SERBP1: variants seen among roughly 807,000 people sequenced by gnomAD.
The protein encoded by SERBP1 is SERPINE1 mRNA-binding protein 1.
A neutral mutation model predicts 50.2 loss-of-function variants in SERBP1; 6 were observed. The observed-to-expected ratio is 0.12, with a 90% CI of 0.07 to 0.24. The LOEUF is 0.24. Among genes scored for constraint, SERBP1 ranks in the 10% least tolerant of loss-of-function variants. The pLI, the probability that SERBP1 is intolerant of heterozygous loss-of-function variation, is 1.00. For missense variants in SERBP1, 346 were observed against 524.9 expected (o/e 0.66, Z 3.33); for synonymous variants, 168 against 182.8 (o/e 0.92, Z 0.65).
chr1:67,430,233 T>C lies in SERBP1; in HGVS notation c.68A>G (p.Asp23Gly). The change falls in exon 1 of 8, where the codon GAC becomes GGC. Residue 23 changes from aspartate to glycine, a missense_variant. This residue lies in a region of SERBP1 where 13 missense variants were observed against 40.8 expected (regional missense o/e 0.32). Coordinates refer to ENST00000361219, the MANE Select transcript of SERBP1 (RefSeq NM_001018069.2). Reference protein sequence around the residue: ...VTNRFDQLFDDESDPFEVLKA... With the variant: ...VTNRFDQLFDGESDPFEVLKA... The stretch of plus-strand genomic sequence containing the variant: ...CAGCACCTCGAAGGGGTCCGATTCG[T>C]CGTCAAATAACTGGTCGAATCGGTT... The C allele has an allele frequency of 6.3e-7, 1 of 1,594,490 alleles. No homozygotes were observed.
Position 67,430,053 on chromosome 1 carries a change from G to C in SERBP1, c.248C>G (p.Pro83Arg). The part of the protein sequence containing the change: ...ESQKDRKNPL[P>R]PSVGVVDKKE... ...CTTGTCAACCACGCCAACGCTGGGG[G>C]GCAGCGGGTTCTTGCGGTCTTTCTG... Residue 83 changes from proline (P) to arginine (R), a missense_variant, in exon 1 of 8, where the codon CCC becomes CGC. Around this residue, in one of 5 missense-constraint regions of SERBP1, gnomAD observed 257 missense variants for 331.2 expected, o/e 0.78. Transcript: ENST00000361219. The C allele has an allele frequency of 1.2e-6, 2 of 1,613,708 alleles. No homozygotes were observed. The highest frequency in any genetic ancestry group is 8.5e-7 in the Non-Finnish European group (1 of 1,179,816).
rs1557507840 is a variant in SERBP1, at chr1:67,426,302, A to G, written c.314-17T>C. The stretch of plus-strand genomic sequence containing the variant: ...GTCTTATTCCTAAAACGATAAGATA[A>G]CCTGCATAAGCAAATTATTTTTGCA... On this transcript the variant is annotated splice_polypyrimidine_tract_variant and intron_variant, in intron 1 of 7. Coordinates refer to ENST00000361219, the MANE Select transcript of SERBP1 (RefSeq NM_001018069.2). 6.4e-7 allele frequency: 1 copy of G among 1,568,020 alleles called. No homozygotes were observed. The highest frequency in any genetic ancestry group is 8.6e-7 in the Non-Finnish European group (1 of 1,159,724).
At position 67,430,336 on chromosome 1, in the gene SERBP1, C is replaced by G. The variant is rs751131058; in HGVS notation, c.-36G>C. The G allele has an allele frequency of 2.7e-6, 4 of 1,494,636 alleles. No homozygotes were observed. The Admixed American group carries it at 9.6e-5, about 36-fold the overall frequency. 92.6% of individuals were successfully genotyped at this position (1,494,636 alleles called of 1,614,324 possible). ...CGGCGGCGCGTTCCTCCACGGATTG[C>G]AGCGGGCCGCGCCGAGCCAAGAGCG... On this transcript the variant is annotated 5_prime_UTR_variant, in exon 1 of 8. Transcript: ENST00000361219.
At position 67,430,028 on chromosome 1, in the gene SERBP1, C is replaced by T. The variant is rs1313812057; in HGVS notation, c.273G>A (p.Lys91=). The T allele has an allele frequency of 5.0e-6, 8 of 1,612,858 alleles. No individual in the cohort carries two copies. The African/African-American group carries it at 1.1e-4, about 22-fold the overall frequency. ...PLPPSVGVVD[K]KEETQPPVAL... is the part of the protein sequence containing the mutation. ...CCACGGGCGGCTGCGTCTCCTCTTT[C>T]TTGTCAACCACGCCAACGCTGGGGG... Residue 91 remains lysine, a synonymous_variant, in exon 1 of 8, where the codon AAG becomes AAA. Transcript: ENST00000361219.
At chr1:67,426,424 G>A in intron 1 of SERBP1, 139 bp from the exon 2 acceptor site, 1 of 675,180 alleles carries the variant, frequency 1.5e-6, no homozygotes, top group East Asian at 3.2e-5. Flanking sequence ...CAACTCTAAT[G>A]TGTAACAAAG....
intron 6 of SERBP1, among the ~76,000 whole-genome samples, chr1:67,415,747 T>C (rs1456289707): frequency 6.6e-6 from 1 of 152,122 alleles, no homozygotes; most frequent in Non-Finnish European, 1.5e-5. Context: ...ACATATAAGG[T>C]TACTACTAGC....
Position 67,429,999 on chromosome 1 carries a change from A to T in SERBP1, c.302T>A (p.Leu101His), listed in dbSNP as rs768752594. The T allele has an allele frequency of 1.6e-5, 25 of 1,608,500 alleles. No homozygotes were observed. The highest frequency in any genetic ancestry group is 2.1e-5 in the Non-Finnish European group (25 of 1,177,496). The change falls in exon 1 of 8, where the codon CTT becomes CAT. Residue 101 changes from leucine (L) to histidine (H), a missense_variant. Leu to His is a moderately conservative substitution (Grantham distance 99). Around this residue, in one of 5 missense-constraint regions of SERBP1, gnomAD observed 257 missense variants for 331.2 expected, o/e 0.78. Coordinates refer to ENST00000361219, the MANE Select transcript of SERBP1 (RefSeq NM_001018069.2). ...TGCCCCTGCTTTACCTTCTTTCTTA[A>T]GCGCCACGGGCGGCTGCGTCTCCTC... Reference protein sequence around the residue: ...KKEETQPPVALKKEGIRRVGR... With the variant: ...KKEETQPPVAHKKEGIRRVGR...
At chr1:67,427,221 T>C (rs906310305) in intron 1 of SERBP1, among the ~76,000 whole-genome samples, 2 of 152,214 alleles carry the variant, frequency 1.3e-5, no homozygotes, top group African/African-American at 4.8e-5. Context: ...TGACACTAAG[T>C]GATAGCTGAA....
intron 2 of SERBP1, among the ~76,000 whole-genome samples, chr1:67,425,543 G>A (rs2100440139): frequency 1.3e-5 from 2 of 152,224 alleles, no homozygotes; most frequent in South Asian, 4.1e-4. Context: ...CATCTAACTT[G>A]CATAAGTAAT....
intron 6 of SERBP1, among the ~76,000 whole-genome samples, chr1:67,416,825 C>T (rs1667026438): frequency 6.6e-6 from 1 of 152,182 alleles, no homozygotes; most frequent in Non-Finnish European, 1.5e-5. Context: ...AACAAATTCA[C>T]AAAACACCAG....
chr1:67,421,302 C>G (rs1459437126), intron 5 of SERBP1, among the ~76,000 whole-genome samples: 1 of 152,138 alleles, frequency 6.6e-6, no homozygotes, highest in Non-Finnish European at 1.5e-5. Flanking sequence ...ACTTAGCATA[C>G]CTTTTATCAT....
chr1:67,429,305 G>C (rs1230746322), intron 1 of SERBP1: 1 of 152,190 alleles, frequency 6.6e-6, no homozygotes, highest in Admixed American at 6.5e-5. Context: ...CATAATTCCC[G>C]CTCCTGGTTA....
At chr1:67,424,380 T>C (rs973814484) in intron 4 of SERBP1, 103 bp from the exon 5 acceptor site, 22 of 1,465,200 alleles carry the variant, frequency 1.5e-5, no homozygotes, top group Non-Finnish European at 2.0e-5. Context: ...GCTGAAAAGT[T>C]CTTCATACAA....
intron 1 of SERBP1, among the ~76,000 whole-genome samples, chr1:67,428,941 T>A (rs190724798): frequency 1.3e-5 from 2 of 152,320 alleles, no homozygotes; most frequent in Non-Finnish European, 2.9e-5. Context: ...CAACACCTGC[T>A]TGCTATTGAT....
chr1:67,423,139 A>T (rs1480072770), intron 5 of SERBP1, among the ~76,000 whole-genome samples: 8 of 147,338 alleles, frequency 5.4e-5, no homozygotes, highest in Admixed American at 3.4e-4. Flanking sequence ...TGGTCTAAAA[A>T]ATATAAAAAA....
intron 1 of SERBP1, among the ~76,000 whole-genome samples, chr1:67,427,100 C>T (rs1239615860): frequency 6.6e-6 from 1 of 151,884 alleles, no homozygotes. Context: ...GGAGAGAGTC[C>T]TCTAAAAAAT....
chr1:67,414,081 C>CGCCCA (rs145655215), intron 7 of SERBP1, among the ~76,000 whole-genome samples: 1,781 of 152,292 alleles, frequency 0.012, 45 homozygotes, highest in African/African-American at 0.041. Context: ...TGAGGCAGTG[C>CGCCCA]GCCCAGCCCA....
Position 67,415,300 on chromosome 1 carries a change from T to G in SERBP1, c.991A>C (p.Lys331Gln). Reference protein sequence around the residue: ...EDSVMDHHFRKPANDITSQLE... With the variant: ...EDSVMDHHFRQPANDITSQLE... ...TGAGACGTTATATCATTTGCTGGCTTCCGGAAATGATGGTCCATAACCGAA... is the reference window on the plus strand; with the variant it reads ...TGAGACGTTATATCATTTGCTGGCTGCCGGAAATGATGGTCCATAACCGAA... Residue 331 changes from lysine to glutamine, a missense_variant, in exon 7 of 8, where the codon AAG (lysine) becomes CAG (glutamine). By Grantham distance (53) the Lys-to-Gln change is moderately conservative. Around this residue, in one of 5 missense-constraint regions of SERBP1, gnomAD observed 68 missense variants for 97.3 expected, o/e 0.70. Coordinates refer to ENST00000361219, the MANE Select transcript of SERBP1 (RefSeq NM_001018069.2). 6.2e-7 allele frequency: 1 copy of G among 1,609,744 alleles called. No individual in the cohort carries two copies. Among genetic ancestry groups the G allele is most frequent in the East Asian group, 2.2e-5 (1 of 44,640 alleles).
chr1:67,430,000 G>A lies in SERBP1; in HGVS notation c.301C>T (p.Leu101Phe). The change falls in exon 1 of 8, where the codon CTT becomes TTT. Residue 101 changes from leucine to phenylalanine, a missense_variant. By Grantham distance (22) the Leu-to-Phe change is conservative. Coordinates refer to ENST00000361219, the MANE Select transcript of SERBP1 (RefSeq NM_001018069.2). ...KKEETQPPVA[L>F]KKEGIRRVGR... ...GCCCCTGCTTTACCTTCTTTCTTAA[G>A]CGCCACGGGCGGCTGCGTCTCCTCT... The A allele has an allele frequency of 6.2e-7, 1 of 1,608,734 alleles. No individual in the cohort carries two copies. Among genetic ancestry groups the A allele is most frequent in the Non-Finnish European group, 8.5e-7 (1 of 1,177,582 alleles).
Sources: allele counts gnomAD v4.1 joint callset (sites outside exome capture counted in the v4.1 genomes callset), GRCh38; gene constraint gnomAD v4.1.1; regional missense constraint gnomAD v4.1.1; transcripts MANE v1.5; gene names NCBI Gene and HGNC (gene_info 2026-07-23, HGNC 2026-07-21).